The following DNAAF8 variants were observed in gnomAD, a reference collection of about 807,000 sequenced individuals.
DNAAF8 encodes dynein axonemal-associated protein 1.
Under a neutral mutation model 54.6 loss-of-function variants are expected in DNAAF8, and 61 were observed. The ratio of observed to expected loss-of-function variants is 1.12; its 90% CI spans 0.91 to 1.38. The LOEUF (loss-of-function observed/expected upper bound fraction) is 1.38, where lower values mean the gene tolerates loss of function less well. Ranked by LOEUF, DNAAF8 falls within the 40% of genes most tolerant of loss-of-function variation. The probability of loss-of-function intolerance (pLI) is 0.00; values close to 1 mark genes in which losing one functional copy is unlikely to be tolerated. For synonymous variants in DNAAF8, 320 were observed against 270.1 expected (o/e 1.18, Z -1.81); for missense variants, 837 against 665.0 (o/e 1.26, Z -2.85).
At position 4,746,417 on chromosome 16, in the gene DNAAF8, GC is replaced by G; in HGVS notation, c.1087del (p.Gln363SerfsTer6). On this transcript the variant is annotated frameshift_variant, in exon 7 of 10. Transcript: ENST00000299320. LOFTEE classifies it high-confidence loss of function. ...AGGGCTCCCAGGCTGGGCCAGGCCC[GC>G]AGCTGGCCCAGGGCATGAGGCTTAA... ...KQGSQAGPGP[Q>X]LAQGMRLNAE... is the part of the protein sequence containing the mutation. 1 of 1,613,228 alleles carries G rather than the reference GC, an allele frequency of 6.2e-7. No homozygotes were observed. Among genetic ancestry groups the G allele is most frequent in the South Asian group, 1.1e-5 (1 of 91,076 alleles).
chr16:4,737,823 G>A lies in DNAAF8; in HGVS notation c.153G>A (p.Leu51=), dbSNP rs2142200831. The A allele has an allele frequency of 1.9e-6, 3 of 1,614,170 alleles. No homozygotes were observed. The highest frequency in any genetic ancestry group is 2.2e-5 in the East Asian group (1 of 44,876). The change falls in exon 3 of 10, where the codon CTG becomes CTA. Residue 51 remains leucine (L), a synonymous_variant. Coordinates refer to ENST00000299320, the MANE Select transcript of DNAAF8 (RefSeq NM_139170.3). ...SPLSDYGEEE[L]FIFQRNQTSL... The stretch of plus-strand genomic sequence containing the variant: ...AGTCGGACTATGGGGAAGAGGAGCT[G>A]TTCATCTTCCAGCGAAACCAAACCT...
At chr16:4,738,131 G>A in intron 3 of DNAAF8, 185 bp downstream of exon 3, 1 of 738,828 alleles carries the variant, frequency 1.4e-6, no homozygotes, top group East Asian at 2.8e-5. Flanking sequence ...CCTCTCCTGG[G>A]GAGCCCGGCA....
chr16:4,747,155 G>A (rs773794050), intron 8 of DNAAF8, 130 bp downstream of exon 8: 26 of 1,204,170 alleles, frequency 2.2e-5, no homozygotes, highest in South Asian at 1.9e-4. Context: ...TGAGGGGGAC[G>A]GCACAGCTTT....
chr16:4,746,598 G>A, intron 7 of DNAAF8, 86 bp downstream of exon 7: 1 of 1,452,428 alleles, frequency 6.9e-7, no homozygotes, highest in South Asian at 1.3e-5. Flanking sequence ...GGATCCTGAT[G>A]GGGAGGAACA....
chr16:4,743,834 C>T (rs1388122068), intron 5 of DNAAF8: 1 of 151,982 alleles, frequency 6.6e-6, no homozygotes, highest in East Asian at 1.9e-4. Flanking sequence ...GGTAGAGAGC[C>T]AACCATTCTG....
intron 3 of DNAAF8, among the ~76,000 whole-genome samples, chr16:4,738,827 T>G (rs2081925384): frequency 6.6e-6 from 1 of 151,712 alleles, no homozygotes; most frequent in African/African-American, 2.4e-5. Flanking sequence ...GAGATGGCAG[T>G]GAGCCAAGAT....
rs1476349369 is a variant in DNAAF8, at chr16:4,749,139, G to C, written c.*424G>C. ...GGGCACAAGGCCAGGCTGCCTCCCA[G>C]CCCCCAGGCCCTCTCCCACCTACAG... is the stretch of plus-strand genomic sequence containing the variant. On this transcript the variant is annotated 3_prime_UTR_variant, in exon 10 of 10. Transcript: ENST00000299320. 2 of 153,298 alleles carry C rather than the reference G, an allele frequency of 1.3e-5. No individual in the cohort carries two copies. The highest frequency in any genetic ancestry group is 1.5e-5 in the Non-Finnish European group (1 of 68,290). 9.5% of individuals were successfully genotyped at this position (153,298 alleles called of 1,614,324 possible). A position where few individuals can be genotyped will look rare whatever the true frequency, so the allele number is the denominator to read the frequency against.
At chr16:4,741,924 A>T (rs2081965266) in intron 4 of DNAAF8, among the ~76,000 whole-genome samples, 1 of 152,224 alleles carries the variant, frequency 6.6e-6, no homozygotes, top group Non-Finnish European at 1.5e-5. Flanking sequence ...GGTTTTACAC[A>T]TTTTGGATAA....
chr16:4,747,717 T>G (rs1414338270), intron 9 of DNAAF8, 83 bp downstream of exon 9: 1 of 1,428,544 alleles, frequency 7.0e-7, no homozygotes, highest in Non-Finnish European at 9.3e-7. Context: ...GTTCCTGCAT[T>G]TCCACTAGCA....
At position 4,747,564 on chromosome 16, in the gene DNAAF8, G is replaced by T. The variant is rs769468323; in HGVS notation, c.1502G>T (p.Gly501Val). The T allele has an allele frequency of 1.9e-6, 3 of 1,611,848 alleles. No homozygotes were observed. Among genetic ancestry groups the T allele is most frequent in the Non-Finnish European group, 2.5e-6 (3 of 1,179,654 alleles). Residue 501 changes from glycine (G) to valine (V), a missense_variant, in exon 9 of 10, where the codon GGG becomes GTG. Transcript: ENST00000299320. ...CCAAGAGGCAGGCCCAGAGCCCTGGGGGATGTTCCTGAGCCAGGGGCAGCC... is the reference window on the plus strand; with the variant it reads ...CCAAGAGGCAGGCCCAGAGCCCTGGTGGATGTTCCTGAGCCAGGGGCAGCC... ...RLPRGRPRAL[G>V]DVPEPGAARE...
chr16:4,746,436 A>C lies in DNAAF8; in HGVS notation c.1105A>C (p.Arg369=). ...AGGCCCGCAGCTGGCCCAGGGCATG[A>C]GGCTTAACGCAGAGTCCCCCACCAT... ...GPGPQLAQGM[R]LNAESPTIFI... Residue 369 remains arginine, a synonymous_variant, in exon 7 of 10, where the codon AGG becomes CGG. Transcript: ENST00000299320. 1 of 1,613,600 alleles carries C rather than the reference A, an allele frequency of 6.2e-7. No individual in the cohort carries two copies. The highest frequency in any genetic ancestry group is 8.5e-7 in the Non-Finnish European group (1 of 1,179,798).
chr16:4,745,890 G>C (rs2082009165), intron 6 of DNAAF8, among the ~76,000 whole-genome samples: 1 of 150,414 alleles, frequency 6.6e-6, no homozygotes, highest in South Asian at 2.1e-4. Context: ...GGAGGCGGAG[G>C]TTGCAGTGAC....
rs939352401 is a variant in DNAAF8 at position 4,748,888 on chromosome 16, G to C, written c.*173G>C. The C allele has an allele frequency of 1.3e-5, 2 of 152,398 alleles. No homozygotes were observed. Among genetic ancestry groups the C allele is most frequent in the African/African-American group, 4.8e-5 (2 of 41,472 alleles). The allele number at this position is 152,398 out of a possible 1,614,324, so 9.4% of individuals were successfully genotyped here. On this transcript the variant is annotated 3_prime_UTR_variant, in exon 10 of 10. Coordinates refer to ENST00000299320, the MANE Select transcript of DNAAF8 (RefSeq NM_139170.3). Reference sequence around the variant, plus strand: ...CTGGCTGCCAGGCCACTGAGGATGGGCAGGGGTCTCTTCTCATCAAGCCTT... The same window carrying C: ...CTGGCTGCCAGGCCACTGAGGATGGCCAGGGGTCTCTTCTCATCAAGCCTT...
chr16:4,737,697 G>A (rs2081913804), intron 2 of DNAAF8, 103 bp from the exon 3 acceptor site: 3 of 1,423,092 alleles, frequency 2.1e-6, no homozygotes, highest in Non-Finnish European at 2.9e-6. Flanking sequence ...GGCTGGGCGG[G>A]CTGGGCTGGA....
At chr16:4,741,993 A>G (rs2081965692) in intron 4 of DNAAF8, among the ~76,000 whole-genome samples, 1 of 152,180 alleles carries the variant, frequency 6.6e-6, no homozygotes, top group Admixed American at 6.5e-5. Flanking sequence ...CATCTTTACT[A>G]CTGTTTAAAT....
At chr16:4,736,064 C>A (rs1461113103) in intron 1 of DNAAF8, among the ~76,000 whole-genome samples, 1 of 152,072 alleles carries the variant, frequency 6.6e-6, no homozygotes, top group Non-Finnish European at 1.5e-5. Flanking sequence ...TTACTAAACA[C>A]CCTGAGCCTA....
Position 4,746,778 on chromosome 16 carries a change from A to C in DNAAF8, c.1182-149A>C, listed in dbSNP as rs997871976. On this transcript the variant is annotated intron_variant, in intron 7 of 9. Coordinates refer to ENST00000299320, the MANE Select transcript of DNAAF8 (RefSeq NM_139170.3). ...GAGGGCATCACCCACACCTGTCCTC[A>C]CCTCCTGGCAGGACGTCCACCGGCC... is the stretch of plus-strand genomic sequence containing the variant. 3.8e-6 allele frequency: 3 copies of C among 797,884 alleles called. No individual in the cohort carries two copies. The African/African-American group carries it at 5.3e-5, about 14-fold the overall frequency. 49.4% of individuals were successfully genotyped at this position (797,884 alleles called of 1,614,324 possible).
At position 4,737,891 on chromosome 16, in the gene DNAAF8, C is replaced by T; in HGVS notation, c.221C>T (p.Ala74Val). ...DLSEELAEDP[A>V]DGDKSRAWVA... ...TCGGAGGAGCTGGCTGAAGATCCTG[C>T]CGATGGCGACAAGTCCAGGGCCTGG... is the stretch of plus-strand genomic sequence containing the variant. Residue 74 changes from alanine (A) to valine (V), a missense_variant, in exon 3 of 10, where the codon GCC becomes GTC. Transcript: ENST00000299320. 6.2e-7 allele frequency: 1 copy of T among 1,614,202 alleles called. No individual in the cohort carries two copies. The highest frequency in any genetic ancestry group is 1.3e-5 in the African/African-American group (1 of 75,060).
In DNAAF8 at chr16:4,747,409, C is replaced by G; in HGVS notation, c.1347C>G (p.Pro449=). 1 of 1,612,720 alleles carries G rather than the reference C, an allele frequency of 6.2e-7. No homozygotes were observed. The highest frequency in any genetic ancestry group is 8.5e-7 in the Non-Finnish European group (1 of 1,179,786). Residue 449 remains proline (P), a synonymous_variant, in exon 9 of 10, where the codon CCC becomes CCG. Coordinates refer to ENST00000299320, the MANE Select transcript of DNAAF8 (RefSeq NM_139170.3). ...CCTTTCAGAAGGGGACAGCCCAGCC[C>G]GAGCTGCCTGCCAGCAAGGGGCCCG... The part of the protein sequence containing the change: ...LRAFQKGTAQ[P]ELPASKGPAG...
Sources: gnomAD v4.1 joint callset for allele counts (sites outside exome capture counted in the v4.1 genomes callset) on GRCh38, gnomAD v4.1.1 for gene constraint, MANE v1.5 for transcripts, NCBI Gene and HGNC (gene_info 2026-07-23, HGNC 2026-07-21) for gene names.